The following UTRN variants were observed in gnomAD, a reference collection of about 807,000 sequenced individuals.
UTRN encodes the protein dystrophin-related protein 1.
In UTRN, 283 loss-of-function variants were observed where a neutral mutation model predicts 463.9. The ratio of observed to expected loss-of-function variants is 0.61; its 90% CI spans 0.55 to 0.67. The LOEUF (loss-of-function observed/expected upper bound fraction) is 0.67, where lower values mean the gene tolerates loss of function less well. Ranked by LOEUF, UTRN falls within the 30% of genes least tolerant of loss-of-function variation. The probability of loss-of-function intolerance (pLI) is 0.00; values close to 1 mark genes in which losing one functional copy is unlikely to be tolerated. For missense variants in UTRN, 3,922 were observed against 4,084.3 expected (o/e 0.96, Z 1.08); for synonymous variants, 1,442 against 1,431.5 (o/e 1.01, Z -0.17).
chr6:144,807,063 A>G (rs1055162590), intron 65 of UTRN, among the ~76,000 whole-genome samples: 2 of 152,126 alleles, frequency 1.3e-5, no homozygotes, highest in Non-Finnish European at 2.9e-5. Flanking sequence ...GCAACACTTG[A>G]GTGTTAAATG....
intron 2 of UTRN, among the ~76,000 whole-genome samples, chr6:144,372,926 A>G (rs1780129445): frequency 6.6e-6 from 1 of 152,204 alleles, no homozygotes; most frequent in Admixed American, 6.5e-5. Context: ...GATGGTCAAC[A>G]TCATTAGTCA....
chr6:144,373,521 C>T (rs762051287), intron 2 of UTRN, among the ~76,000 whole-genome samples: 3 of 152,150 alleles, frequency 2.0e-5, no homozygotes, highest in South Asian at 4.1e-4. Context: ...CAGAGGCTGG[C>T]AGGGAATGGG....
intron 34 of UTRN, among the ~76,000 whole-genome samples, chr6:144,502,870 G>A (rs1794326853): frequency 1.3e-5 from 2 of 152,220 alleles, no homozygotes; most frequent in African/African-American, 2.4e-5. Context: ...CCCACCAACA[G>A]TGTAAAAGCA....
intron 37 of UTRN, among the ~76,000 whole-genome samples, chr6:144,515,871 C>T (rs1455548158): frequency 1.3e-5 from 2 of 152,150 alleles, no homozygotes; most frequent in Non-Finnish European, 2.9e-5. Context: ...GCCCTGGGGG[C>T]TGGGTGGCTG....
At chr6:144,847,389 TTTG>T in intron 74 of UTRN, among the ~76,000 whole-genome samples, 1 of 139,076 alleles carries the variant, frequency 7.2e-6, no homozygotes. Context: ...TGTAGCCTGT[TTTG>T]TTTTGTTTTT....
chr6:144,651,313 G>A (rs1474489474), intron 51 of UTRN, among the ~76,000 whole-genome samples: 2 of 152,072 alleles, frequency 1.3e-5, no homozygotes, highest in Non-Finnish European at 2.9e-5. Context: ...CAATAAATTT[G>A]TGTTGAAACA....
intron 3 of UTRN, among the ~76,000 whole-genome samples, chr6:144,408,395 T>C (rs755576836): frequency 6.6e-6 from 1 of 152,260 alleles, no homozygotes; most frequent in Non-Finnish European, 1.5e-5. Flanking sequence ...GCATTTTCTT[T>C]GGCTGACTTT....
At chr6:144,587,559 T>G (rs569373038) in intron 51 of UTRN, among the ~76,000 whole-genome samples, 1 of 152,312 alleles carries the variant, frequency 6.6e-6, no homozygotes, top group Admixed American at 6.5e-5. Flanking sequence ...GCTCCCTGTA[T>G]TTAGAGGTAG....
intron 27 of UTRN, among the ~76,000 whole-genome samples, chr6:144,484,182 G>C (rs897900036): frequency 6.6e-6 from 1 of 152,168 alleles, no homozygotes; most frequent in African/African-American, 2.4e-5. Context: ...GGAAACCTCA[G>C]AGGGGAATGA....
chr6:144,753,481 G>A (rs1791619473), intron 56 of UTRN, among the ~76,000 whole-genome samples: 1 of 151,764 alleles, frequency 6.6e-6, no homozygotes, highest in East Asian at 1.9e-4. Context: ...TACATATGTG[G>A]TGTGGTGTGC....
chr6:144,501,269 T>C lies in UTRN; in HGVS notation c.4764+1842T>C, dbSNP rs371066670. Among the ~76,000 whole-genome samples, 104 of 152,316 alleles carry C rather than the reference T, an allele frequency of 6.8e-4. 4 individuals are homozygous for C. In the South Asian group the frequency reaches 0.019, roughly 29 times the overall value. Reference sequence around the variant, plus strand: ...AATGCAAAACAAAGGCACCAAACTTTATTGTTGTTAAATTTAAGTTTTTCA... The same window carrying C: ...AATGCAAAACAAAGGCACCAAACTTCATTGTTGTTAAATTTAAGTTTTTCA... On this transcript the variant is annotated intron_variant, in intron 34 of 74. Coordinates refer to ENST00000367545, the MANE Select transcript of UTRN (RefSeq NM_007124.3).
chr6:144,501,767 G>A (rs984215470), intron 34 of UTRN, among the ~76,000 whole-genome samples: 1 of 152,004 alleles, frequency 6.6e-6, no homozygotes, highest in Non-Finnish European at 1.5e-5. Flanking sequence ...AACCCTAAAA[G>A]TATTGATCAA....
chr6:144,340,031 G>A (rs556373560), intron 2 of UTRN, among the ~76,000 whole-genome samples: 10 of 152,320 alleles, frequency 6.6e-5, no homozygotes, highest in South Asian at 2.1e-4. Context: ...GCCGGGCATG[G>A]TGGTGCCCAC....
chr6:144,774,261 T>A (rs770999241), intron 59 of UTRN, 29 bp from the exon 60 acceptor site: 1 of 1,581,082 alleles, frequency 6.3e-7, no homozygotes. Context: ...AATAAGCCTA[T>A]CTTCAAATTG....
At chr6:144,457,775 T>C (rs1476817152) in intron 19 of UTRN, among the ~76,000 whole-genome samples, 2 of 152,220 alleles carry the variant, frequency 1.3e-5, no homozygotes, top group Non-Finnish European at 2.9e-5. Context: ...CATACATGAC[T>C]TTTTGTTTTT....
intron 64 of UTRN, among the ~76,000 whole-genome samples, chr6:144,802,167 A>G (rs1317770144): frequency 6.6e-6 from 1 of 152,238 alleles, no homozygotes; most frequent in African/African-American, 2.4e-5. Context: ...CTGTCAAGCC[A>G]TGCTGATAAG....
chr6:144,315,103 TCTAATTTG>T (rs1775198605), intron 2 of UTRN, among the ~76,000 whole-genome samples: 1 of 152,150 alleles, frequency 6.6e-6, no homozygotes, highest in Non-Finnish European at 1.5e-5. Flanking sequence ...TATAAGAGTT[TCTAATTTG>T]CTTGTTTGAA....
chr6:144,823,572 C>T (rs919813982), intron 66 of UTRN, among the ~76,000 whole-genome samples: 3 of 152,134 alleles, frequency 2.0e-5, no homozygotes, highest in Admixed American at 6.5e-5. Flanking sequence ...AGTAGTTACA[C>T]ATGCATGCAT....
rs9390233 is a variant in UTRN, at chr6:144,831,857, C to T, written c.9665+3002C>T. ...CTGACTGTGGTTTACACAGGCATTG[C>T]AGTTTGCAAATCTGAAACCTAGAAC... On this transcript the variant is annotated intron_variant, in intron 69 of 74. Coordinates refer to ENST00000367545, the MANE Select transcript of UTRN (RefSeq NM_007124.3). Among the ~76,000 whole-genome samples the T allele has an allele frequency of 4.4e-3, 669 of 152,256 alleles. 19 individuals carry two copies. In the East Asian group the frequency reaches 0.065, roughly 15 times the overall value.
Sources: gnomAD v4.1 joint callset for allele counts (sites outside exome capture counted in the v4.1 genomes callset) on GRCh38, gnomAD v4.1.1 for gene constraint, MANE v1.5 for transcripts, NCBI Gene and HGNC (gene_info 2026-07-23, HGNC 2026-07-21) for gene names.